The following TENM3 variants were observed in gnomAD, a reference collection of about 807,000 sequenced individuals.
TENM3 encodes the protein teneurin-3.
A neutral mutation model predicts 255.1 loss-of-function variants in TENM3; 63 were observed. That is an observed-to-expected ratio of 0.25 (90% CI 0.20 to 0.30). The LOEUF (loss-of-function observed/expected upper bound fraction) is 0.30, where lower values mean the gene tolerates loss of function less well. Ranked by LOEUF, TENM3 falls within the 10% of genes least tolerant of loss-of-function variation. The pLI is 1.00. For synonymous variants in TENM3, 1,306 were observed against 1,322.3 expected (o/e 0.99, Z 0.27); for missense variants, 2,929 against 3,461.1 (o/e 0.85, Z 3.86).
chr4:182,590,714 G>T (rs1746545297), intron 3 of TENM3, among the ~76,000 whole-genome samples: 1 of 151,172 alleles, frequency 6.6e-6, no homozygotes, highest in Non-Finnish European at 1.5e-5. Context: ...ACTTAGCTGG[G>T]CGTGGTGGTG....
At chr4:182,271,595 G>T (rs2150219667) in intron 1 of TENM3, among the ~76,000 whole-genome samples, 1 of 152,294 alleles carries the variant, frequency 6.6e-6, no homozygotes, top group South Asian at 2.1e-4. Flanking sequence ...AAACAGTGGG[G>T]ATTTAGAGAT....
chr4:181,987,017 C>T, the TENM3 span, among the ~76,000 whole-genome samples: 1 of 152,058 alleles, frequency 6.6e-6, no homozygotes, highest in Non-Finnish European at 1.5e-5. Flanking sequence ...ATCTCCAATT[C>T]TAATATATCT....
the TENM3 span, among the ~76,000 whole-genome samples, chr4:181,845,895 G>T: frequency 6.6e-6 from 1 of 152,176 alleles, no homozygotes; most frequent in Admixed American, 6.5e-5. Flanking sequence ...ATTATTCAGT[G>T]GCTTGAGCCT....
the TENM3 span, among the ~76,000 whole-genome samples, chr4:182,037,394 C>T: frequency 1.4e-3 from 207 of 152,248 alleles, 1 homozygote; most frequent in Admixed American, 4.6e-3. Flanking sequence ...GTGATCCACC[C>T]GCTTCGGCCT....
the TENM3 span, among the ~76,000 whole-genome samples, chr4:181,897,432 C>T: frequency 6.6e-6 from 1 of 152,180 alleles, no homozygotes; most frequent in Admixed American, 6.5e-5. Context: ...AATACATTTA[C>T]AAGTGACTAT....
chr4:182,381,834 T>C (rs552969726), intron 3 of TENM3, among the ~76,000 whole-genome samples: 19 of 152,350 alleles, frequency 1.2e-4, no homozygotes, highest in African/African-American at 3.8e-4. Context: ...GTGCTGGGAT[T>C]ACAGGCGTGA....
At chr4:181,891,784 G>T in the TENM3 span, among the ~76,000 whole-genome samples, 1 of 152,164 alleles carries the variant, frequency 6.6e-6, no homozygotes, top group Non-Finnish European at 1.5e-5. Context: ...GATCAAAAAT[G>T]AATCCTTTGC....
At chr4:181,987,701 A>G in the TENM3 span, among the ~76,000 whole-genome samples, 1 of 152,152 alleles carries the variant, frequency 6.6e-6, no homozygotes, top group South Asian at 2.1e-4. Context: ...TAGCTGAAGT[A>G]CACATTTCTA....
At chr4:182,038,646 A>G in the TENM3 span, among the ~76,000 whole-genome samples, 1,017 of 152,262 alleles carry the variant, frequency 6.7e-3, 16 homozygotes, top group African/African-American at 0.023. Context: ...TACATGTGGC[A>G]AGATCTGCAC....
chr4:182,747,709 A>G (rs1184550075), intron 19 of TENM3, among the ~76,000 whole-genome samples: 1 of 152,224 alleles, frequency 6.6e-6, no homozygotes, highest in East Asian at 1.9e-4. Context: ...TTAAAGGATC[A>G]AAGAAAGTGT....
chr4:182,681,129 G>A (rs1306929409), intron 10 of TENM3, among the ~76,000 whole-genome samples: 4 of 152,136 alleles, frequency 2.6e-5, no homozygotes, highest in Non-Finnish European at 4.4e-5. Flanking sequence ...CCTAAAAGAA[G>A]TATGACATCA....
the TENM3 span, among the ~76,000 whole-genome samples, chr4:181,688,672 T>C: frequency 6.6e-6 from 1 of 152,110 alleles, no homozygotes; most frequent in Non-Finnish European, 1.5e-5. Flanking sequence ...AAATGGACAA[T>C]GGGAAACAAT....
In TENM3 at chr4:182,461,932, G is replaced by A. The variant is rs186373999; in HGVS notation, c.511+115003G>A. ...TGTTTTCTTGACATGCTAGGCTGTC[G>A]TACAGGTCATTACTATTAGCGTGGC... On this transcript the variant is annotated intron_variant, in intron 3 of 27. Transcript: ENST00000511685. Among the ~76,000 whole-genome samples the A allele has an allele frequency of 5.3e-5, 8 of 152,280 alleles. No individual in the cohort carries two copies. The East Asian group carries it at 9.7e-4, about 18-fold the overall frequency.
At chr4:182,503,659 G>A (rs1224341279) in intron 3 of TENM3, among the ~76,000 whole-genome samples, 1 of 152,144 alleles carries the variant, frequency 6.6e-6, no homozygotes, top group African/African-American at 2.4e-5. Flanking sequence ...TTTCACGGTA[G>A]AGGGCAGAAA....
intron 2 of TENM3, among the ~76,000 whole-genome samples, chr4:182,324,867 C>T (rs1340055894): frequency 1.3e-5 from 2 of 152,126 alleles, no homozygotes; most frequent in African/African-American, 2.4e-5. Flanking sequence ...CTTGGTCATT[C>T]GCGTCTATCT....
chr4:182,078,326 A>G, the TENM3 span, among the ~76,000 whole-genome samples: 1 of 152,104 alleles, frequency 6.6e-6, no homozygotes, highest in Non-Finnish European at 1.5e-5. Context: ...GATCAAGACC[A>G]TCTTGGCCAA....
the TENM3 span, among the ~76,000 whole-genome samples, chr4:181,610,410 A>T: frequency 6.6e-6 from 1 of 152,106 alleles, no homozygotes; most frequent in Non-Finnish European, 1.5e-5. Context: ...CATTTATTAC[A>T]TTTTTTGCAT....
chr4:181,657,978 G>A, the TENM3 span, among the ~76,000 whole-genome samples: 1 of 152,050 alleles, frequency 6.6e-6, no homozygotes, highest in Non-Finnish European at 1.5e-5. Flanking sequence ...AGACACTGCG[G>A]ACTCTAAAAG....
At chr4:182,533,112 A>G (rs981745627) in intron 3 of TENM3, among the ~76,000 whole-genome samples, 2 of 152,200 alleles carry the variant, frequency 1.3e-5, no homozygotes, top group Non-Finnish European at 2.9e-5. Flanking sequence ...GTAAACTTTC[A>G]TGTGGGCAGG....
Sources: allele counts gnomAD v4.1 joint callset (sites outside exome capture counted in the v4.1 genomes callset), GRCh38; gene constraint gnomAD v4.1.1; transcripts MANE v1.5; gene names NCBI Gene and HGNC (gene_info 2026-07-23, HGNC 2026-07-21).